The following PLEC variants were observed in gnomAD, a reference collection of about 807,000 sequenced individuals.
The protein encoded by PLEC is hemidesmosomal protein 1.
A neutral mutation model predicts 392.8 loss-of-function variants in PLEC; 216 were observed. The observed-to-expected ratio is 0.55, with a 90% CI of 0.49 to 0.62. The LOEUF is 0.62. Ranked by LOEUF, PLEC falls within the 20% of genes least tolerant of loss-of-function variation. PLEC has a pLI of 0.00. For synonymous variants in PLEC, 3,621 were observed against 2,980.6 expected, an observed-to-expected ratio of 1.21 and a Z score of -7.00; for missense variants, 6,863 against 6,563.4, an observed-to-expected ratio of 1.05 and a Z score of -1.58.
rs1833525184 is a variant in PLEC, at chr8:143,973,285, AGGCCGGCGGAGTGGCCGCGCTCG to A, written c.70+95_70+117del. On this transcript the variant is annotated intron_variant, in intron 1 of 31. Transcript: ENST00000356346. This position sits in a 1 kb window ranked among gnomAD's most constrained non-coding sequence, Gnocchi z 5.6. ...CCGTTGGGGGCGATCCAGGCGGACG[AGGCCGGCGGAGTGGCCGCGCTCG>A]GGCCGGCGATCGGGACCGCCACCGT... The A allele has an allele frequency of 7.9e-7, 1 of 1,264,914 alleles. No individual in the cohort carries two copies. The highest frequency in any genetic ancestry group is 1.1e-6 in the Non-Finnish European group (1 of 920,418). The allele number at this position is 1,264,914 out of a possible 1,614,324, so 78.4% of individuals were successfully genotyped here.
rs201353064 is a variant in PLEC at position 143,938,616 on chromosome 8, G to A, written c.174+15C>T. 6.2e-7 allele frequency: 1 copy of A among 1,612,998 alleles called. No individual in the cohort carries two copies. Among genetic ancestry groups the A allele is most frequent in the Non-Finnish European group, 8.5e-7 (1 of 1,179,182 alleles). On this transcript the variant is annotated intron_variant, in intron 2 of 31. Transcript: ENST00000345136. ...GCCTCAGCCCCTGTGACACGCACCA[G>A]CATGCGCCACCAACCTTGATGAGGT...
Position 143,923,560 on chromosome 8 carries a change from C to T in PLEC, c.6369G>A (p.Glu2123=), listed in dbSNP as rs1554693035. The change falls in exon 31 of 32, where the codon GAG becomes GAA. Residue 2123 remains glutamate (E), a synonymous_variant. Transcript: ENST00000345136. Reference sequence around the variant, plus strand: ...GTGCCTGAGCCCGGGCCTGTGCCTGCTCCTCTGCCGACTGCTTCAGCCGCT... The same window carrying T: ...GTGCCTGAGCCCGGGCCTGTGCCTGTTCCTCTGCCGACTGCTTCAGCCGCT... ...EAERLKQSAE[E]QAQARAQAQA... 2 of 1,597,882 alleles carry T rather than the reference C, an allele frequency of 1.3e-6. No homozygotes were observed. Among genetic ancestry groups the T allele is most frequent in the Non-Finnish European group, 1.7e-6 (2 of 1,178,132 alleles).
rs962403684 is a variant in PLEC, at chr8:143,934,948, G to A, written c.826-19C>T. ...GCAGCTCCTGCGGGCAGGCACGGGCGGCTGTCAGGGGTCGTCGGGGCGTCC... is the reference window on the plus strand; with the variant it reads ...GCAGCTCCTGCGGGCAGGCACGGGCAGCTGTCAGGGGTCGTCGGGGCGTCC... On this transcript the variant is annotated intron_variant, in intron 8 of 31. Coordinates refer to ENST00000345136, the MANE Select transcript of PLEC (RefSeq NM_201384.3). The A allele has an allele frequency of 2.1e-5, 34 of 1,610,532 alleles. No individual in the cohort carries two copies. Among genetic ancestry groups the A allele is most frequent in the Non-Finnish European group, 2.4e-5 (28 of 1,179,400 alleles).
chr8:143,960,620 A>G (rs75924877), intron 1 of PLEC, among the ~76,000 whole-genome samples: 1 of 147,512 alleles, frequency 6.8e-6, no homozygotes, highest in South Asian at 2.2e-4. Context: ...CTGTCTCAAG[A>G]AAAAAAAAAA....
rs782174639 is a variant in PLEC at position 143,935,218 on chromosome 8, G to A, written c.698C>T (p.Thr233Met). ...CGTACCCTCAGGGTCCAGGAGCCGC[G>A]TCACTCCCAGGTCCCGCTCCGCCAC... ...FSVAERDLGV[T>M]RLLDPEDVDV... Residue 233 changes from threonine (T) to methionine (M), a missense_variant, in exon 7 of 32, where the codon ACG becomes ATG. By Grantham distance (81) the Thr-to-Met change is moderately conservative. Transcript: ENST00000345136. The A allele has an allele frequency of 5.6e-6, 9 of 1,612,396 alleles. No homozygotes were observed. Among genetic ancestry groups the A allele is most frequent in the Middle Eastern group, 1.6e-4 (1 of 6,066 alleles).
Position 143,918,378 on chromosome 8 carries a change from C to G in PLEC, c.11443G>C (p.Gly3815Arg), listed in dbSNP as rs200927137. Residue 3815 changes from glycine to arginine, a missense_variant, in exon 32 of 32, where the codon GGC (glycine) becomes CGC (arginine). Physicochemically the swap from Gly to Arg is moderately radical, Grantham distance 125 (BLOSUM62 -2). Coordinates refer to ENST00000345136, the MANE Select transcript of PLEC (RefSeq NM_201384.3). ...GCCACCTCCAGGGGAAGGTGGAAGC[C>G]CAGGCGGGGGTCCACGATGCCGCCG... ...ATGGIVDPRL[G>R]FHLPLEVAYQ... The G allele has an allele frequency of 2.5e-4, 392 of 1,567,690 alleles. 1 individual carries two copies. The African/African-American group carries it at 4.4e-3, about 17-fold the overall frequency.
rs200335928 is a variant in PLEC at position 143,950,402 on chromosome 8, C to A, written c.305G>T (p.Arg102Leu). The A allele has an allele frequency of 4.2e-4, 668 of 1,605,540 alleles. 2 individuals carry two copies. Among genetic ancestry groups the A allele is most frequent in the Middle Eastern group, 3.6e-3 (22 of 6,038 alleles). The change falls in exon 1 of 32, where the codon CGC becomes CTC. Residue 102 changes from arginine to leucine, a missense_variant. Transcript: ENST00000322810. The stretch of plus-strand genomic sequence containing the variant: ...TGCGGGCATCACCATGGCGACGGGG[C>A]GGCGCACGCGCTGCAGAGAGGCGGG...
intron 1 of PLEC, chr8:143,946,516 C>A (rs975866142): frequency 1.3e-5 from 8 of 617,146 alleles, no homozygotes; most frequent in South Asian, 3.3e-5. Flanking sequence ...CTCCTCCTCG[C>A]AGCCACCCCT....
In PLEC at chr8:143,934,763, G is replaced by A. The variant is rs6994460; in HGVS notation, c.946-33C>T. On this transcript the variant is annotated intron_variant, in intron 9 of 31. Transcript: ENST00000345136. ...GGACGAGGCTGTCGGCAACCACGCC[G>A]GGCTCTCAGGGCAGGCCCAGGACCC... 1.4e-5 allele frequency: 23 copies of A among 1,611,786 alleles called. No individual in the cohort carries two copies. The South Asian group carries it at 1.4e-4, about 10-fold the overall frequency.
chr8:143,922,311 G>A lies in PLEC; in HGVS notation c.7510C>T (p.Gln2504Ter). The change falls in exon 32 of 32, where the codon CAG becomes TAG. Residue 2504 changes from glutamine (Q) to a stop codon, truncating the protein, a stop_gained. Coordinates refer to ENST00000345136, the MANE Select transcript of PLEC (RefSeq NM_201384.3). LOFTEE classifies it low-confidence loss of function (END_TRUNC). ...SFLSEKDSLLQRERFIEQEKA... is the reference protein window; with the variant it reads ...SFLSEKDSLL ...TCCTGCTCGATGAAGCGCTCCCGCT[G>A]TAGCAGGCTGTCCTTTTCAGAGAGG... 4 of 1,607,662 alleles carry A rather than the reference G, an allele frequency of 2.5e-6. No homozygotes were observed. The highest frequency in any genetic ancestry group is 3.4e-6 in the Non-Finnish European group (4 of 1,179,934).
rs782183436 is a variant in PLEC, at chr8:143,917,055, A to G, written c.12766T>C (p.Tyr4256His). 1 of 1,607,076 alleles carries G rather than the reference A, an allele frequency of 6.2e-7. No homozygotes were observed. Among genetic ancestry groups the G allele is most frequent in the African/African-American group, 1.3e-5 (1 of 74,776 alleles). The part of the protein sequence containing the change: ...RSSSVGSSSS[Y>H]PISPAVSRTQ... ...CTGGAGACGGCGGGGCTGATGGGGT[A>G]GGAGGAGGAGGATCCCACCGAGGAG... is the stretch of plus-strand genomic sequence containing the variant. The change falls in exon 32 of 32, where the codon TAC (tyrosine) becomes CAC (histidine). Residue 4256 changes from tyrosine to histidine, a missense_variant. Tyr to His is a moderately conservative substitution (Grantham distance 83, BLOSUM62 2). Transcript: ENST00000345136.
rs1554716157 is a variant in PLEC, at chr8:143,932,047, G to A, written c.2083-15C>T. The A allele has an allele frequency of 1.3e-6, 2 of 1,573,492 alleles. No homozygotes were observed. The highest frequency in any genetic ancestry group is 1.1e-5 in the South Asian group (1 of 87,376). On this transcript the variant is annotated splice_polypyrimidine_tract_variant and intron_variant, in intron 17 of 31. Transcript: ENST00000345136. ...GCCTGGAAGGACTGCGGGACAGCAG[G>A]TCCCGGTCAGGCCCCGCCCCGCCCC...
chr8:143,933,361 C>G lies in PLEC; in HGVS notation c.1264-10G>C, dbSNP rs781972617. 6.2e-7 allele frequency: 1 copy of G among 1,609,192 alleles called. No homozygotes were observed. The highest frequency in any genetic ancestry group is 2.2e-5 in the East Asian group (1 of 44,892). ...CCAGCAGCCGGACATCCTGCAAGGT[C>G]GTTGCCATGACTCGGAGCACAGCTG... On this transcript the variant is annotated splice_polypyrimidine_tract_variant and intron_variant, in intron 12 of 31. Transcript: ENST00000345136.
In PLEC at chr8:143,931,517, C is replaced by T. The variant is rs1554715202; in HGVS notation, c.2304+17G>A. The T allele has an allele frequency of 3.2e-6, 5 of 1,558,604 alleles. No homozygotes were observed. Among genetic ancestry groups the T allele is most frequent in the Non-Finnish European group, 4.3e-6 (5 of 1,151,192 alleles). On this transcript the variant is annotated intron_variant, in intron 19 of 31. Coordinates refer to ENST00000345136, the MANE Select transcript of PLEC (RefSeq NM_201384.3). ...GCCAGCCCCTCCTGACACGCCCCTG[C>T]ACACCCCCTCCCTCACCTGGGCATC...
chr8:143,933,594 T>C (rs1218962846), intron 12 of PLEC, among the ~76,000 whole-genome samples: 4 of 152,142 alleles, frequency 2.6e-5, no homozygotes, highest in Non-Finnish European at 5.9e-5. Flanking sequence ...ACCATGTCTG[T>C]GGGGTCCTGG....
Position 143,925,328 on chromosome 8 carries a change from G to T in PLEC, c.4601C>A (p.Ala1534Asp). The stretch of plus-strand genomic sequence containing the variant: ...CCGCAGCTCCTCCAGGGCCTGCAGG[G>T]CCCGCTGCTTCTCGCGCGCCGCCTC... ...EAEAAREKQR[A>D]LQALEELRLQ... The change falls in exon 31 of 32, where the codon GCC becomes GAC. Residue 1534 changes from alanine to aspartate, a missense_variant. Transcript: ENST00000345136. 1 of 1,560,866 alleles carries T rather than the reference G, an allele frequency of 6.4e-7. No individual in the cohort carries two copies. Among genetic ancestry groups the T allele is most frequent in the Non-Finnish European group, 8.6e-7 (1 of 1,161,532 alleles).
At position 143,925,420 on chromosome 8, in the gene PLEC, C is replaced by T. The variant is rs1554702498; in HGVS notation, c.4509G>A (p.Val1503=). ...GCCGCTTACGCTGGCTCTCGTCCTGCACCTGCCTCCGCAAGCGCTCGGCCT... is the reference window on the plus strand; with the variant it reads ...GCCGCTTACGCTGGCTCTCGTCCTGTACCTGCCTCCGCAAGCGCTCGGCCT... ...QEEAERLRRQ[V]QDESQRKRQA... The change falls in exon 31 of 32, where the codon GTG becomes GTA. Residue 1503 remains valine, a synonymous_variant. Coordinates refer to ENST00000345136, the MANE Select transcript of PLEC (RefSeq NM_201384.3). 6.3e-7 allele frequency: 1 copy of T among 1,593,908 alleles called. No homozygotes were observed. Among genetic ancestry groups the T allele is most frequent in the Non-Finnish European group, 8.5e-7 (1 of 1,177,210 alleles).
chr8:143,917,366 A>C lies in PLEC; in HGVS notation c.12455T>G (p.Met4152Arg). 1 of 1,609,710 alleles carries C rather than the reference A, an allele frequency of 6.2e-7. No homozygotes were observed. Among genetic ancestry groups the C allele is most frequent in the South Asian group, 1.1e-5 (1 of 90,998 alleles). The change falls in exon 32 of 32, where the codon ATG becomes AGG. Residue 4152 changes from methionine to arginine, a missense_variant. Coordinates refer to ENST00000345136, the MANE Select transcript of PLEC (RefSeq NM_201384.3). Reference protein sequence around the residue: ...VIVDPETGKEMSVYEAYRKGL... With the variant: ...VIVDPETGKERSVYEAYRKGL... ...CTTGCGGTAGGCCTCGTACACTGAC[A>C]TCTCCTTGCCCGTCTCGGGGTCCAC...
chr8:143,953,780 C>T (rs782041947), upstream of PLEC: 4 of 1,612,072 alleles, frequency 2.5e-6, no homozygotes, highest in Non-Finnish European at 3.4e-6. Flanking sequence ...ATGTCTGCGC[C>T]GGGGCTGAGG....
Sources: gnomAD v4.1 joint callset for allele counts (sites outside exome capture counted in the v4.1 genomes callset) on GRCh38, gnomAD v4.1.1 for gene constraint, Gnocchi (gnomAD v3.1) non-coding constraint, MANE v1.5 for transcripts, NCBI Gene and HGNC (gene_info 2026-07-23, HGNC 2026-07-21) for gene names.